Variants in SLC12A7 observed in about 807,000 individuals in gnomAD.
SLC12A7 encodes the protein solute carrier family 12 member 7.
In SLC12A7, 100 loss-of-function variants were observed where a neutral mutation model predicts 120.6. The ratio of observed to expected loss-of-function variants is 0.83; its 90% CI spans 0.71 to 0.98. SLC12A7 has a LOEUF of 0.98. Ranked by LOEUF, SLC12A7 falls within the 50% of genes least tolerant of loss-of-function variation. The pLI is 0.00. For synonymous variants in SLC12A7, 760 were observed against 678.0 expected (o/e 1.12, Z -1.88); for missense variants, 1,373 against 1,548.1 (o/e 0.89, Z 1.90).
chr5:1,064,387 C>CG lies in SLC12A7; in HGVS notation c.2438-136dup, dbSNP rs1185612609. ...CCCCACAAAGCCCCCACCCTCACTC[C>CG]GTCAGCTCCTCCAAGGACCAGCCAG... On this transcript the variant is annotated intron_variant, in intron 18 of 23. Transcript: ENST00000264930. The CG allele has an allele frequency of 2.3e-5, 22 of 971,502 alleles. No individual in the cohort carries two copies. In the Admixed American group the frequency reaches 6.2e-4, roughly 27 times the overall value. 60.2% of individuals were successfully genotyped at this position (971,502 alleles called of 1,614,324 possible). A position where few individuals can be genotyped will look rare whatever the true frequency, so the allele number is the denominator to read the frequency against.
chr5:1,099,839 G>A (rs572439779), intron 1 of SLC12A7, among the ~76,000 whole-genome samples: 3 of 152,172 alleles, frequency 2.0e-5, no homozygotes, highest in Admixed American at 6.5e-5. Flanking sequence ...CGATAGGAAC[G>A]GCCCCTTCAC....
At chr5:1,093,510 G>GGGGACTGGGCA (rs763028827) in intron 3 of SLC12A7, 23 bp downstream of exon 3, 57 of 1,582,822 alleles carry the variant, frequency 3.6e-5, no homozygotes, top group Admixed American at 1.6e-4. Context: ...GGGACTGGGC[G>GGGGACTGGGCA]GGCACGGGCA....
At chr5:1,102,987 C>T (rs1442585547) in intron 1 of SLC12A7, among the ~76,000 whole-genome samples, 1 of 152,202 alleles carries the variant, frequency 6.6e-6, no homozygotes, top group Admixed American at 6.5e-5. Flanking sequence ...GTGCCGGGCA[C>T]TGAAATAAAG....
chr5:1,073,816 G>A lies in SLC12A7; in HGVS notation c.2073-15C>T, dbSNP rs758518587. 1 of 1,398,504 alleles carries A rather than the reference G, an allele frequency of 7.2e-7. No homozygotes were observed. Among genetic ancestry groups the A allele is most frequent in the Non-Finnish European group, 9.4e-7 (1 of 1,067,792 alleles). The allele number at this position is 1,398,504 out of a possible 1,614,324, so 86.6% of individuals were successfully genotyped here. On this transcript the variant is annotated splice_polypyrimidine_tract_variant and intron_variant, in intron 16 of 23. Coordinates refer to ENST00000264930, the MANE Select transcript of SLC12A7 (RefSeq NM_006598.3). ...GCACCTGGGGCCTGCAGCCAGGGTG[G>A]GGCGGCTGTTACCACGGCAACGCTT... is the stretch of plus-strand genomic sequence containing the variant.
At chr5:1,130,848 G>A in the SLC12A7 span, among the ~76,000 whole-genome samples, 3 of 152,220 alleles carry the variant, frequency 2.0e-5, no homozygotes, top group Admixed American at 6.5e-5. Flanking sequence ...GTCTCCTTCC[G>A]GCCAAGGGGA....
the SLC12A7 span, among the ~76,000 whole-genome samples, chr5:1,134,922 T>A: frequency 6.6e-5 from 10 of 152,098 alleles, no homozygotes; most frequent in Middle Eastern, 3.4e-3. Flanking sequence ...TTACCAGGAG[T>A]TCGAGACCAG....
At chr5:1,087,184 G>T in intron 5 of SLC12A7, 151 bp from the exon 6 acceptor site, 1 of 1,084,630 alleles carries the variant, frequency 9.2e-7, no homozygotes, top group South Asian at 1.7e-5. Context: ...AGCACATGGA[G>T]ACGCTTCCAC....
At chr5:1,116,302 G>A (rs971371580), upstream of SLC12A7, among the ~76,000 whole-genome samples, 44 of 152,180 alleles carry the variant, frequency 2.9e-4, 1 homozygote, top group Admixed American at 7.8e-4. Flanking sequence ...TGCCCAGGGC[G>A]GGGCCTCTGG....
At chr5:1,136,767 G>A in the SLC12A7 span, among the ~76,000 whole-genome samples, 5 of 111,582 alleles carry the variant, frequency 4.5e-5, no homozygotes, top group African/African-American at 1.2e-4. Flanking sequence ...AGGCACACGT[G>A]TGCTCAGACA....
chr5:1,077,538 C>T (rs1183221237), intron 12 of SLC12A7, among the ~76,000 whole-genome samples: 1 of 152,162 alleles, frequency 6.6e-6, no homozygotes, highest in Non-Finnish European at 1.5e-5. Flanking sequence ...GGGCTTCTGA[C>T]CAGACAACAG....
At chr5:1,130,716 C>T in the SLC12A7 span, among the ~76,000 whole-genome samples, 963 of 152,334 alleles carry the variant, frequency 6.3e-3, 10 homozygotes, top group Non-Finnish European at 7.5e-3. Context: ...TTCCAGCAGA[C>T]ACACCTGGAC....
the SLC12A7 span, among the ~76,000 whole-genome samples, chr5:1,122,685 G>A: frequency 4.6e-5 from 7 of 152,140 alleles, no homozygotes; most frequent in Non-Finnish European, 1.0e-4. Context: ...CCCAGGAGAG[G>A]ATCAGACAGG....
Position 1,085,351 on chromosome 5 carries a change from G to T in SLC12A7, c.798C>A (p.Val266=), listed in dbSNP as rs1561078958. ...TGTTGACATACTTGACGCCCACGAA[G>T]ACCACCAGGGCCATGAGCACGAGCG... is the stretch of plus-strand genomic sequence containing the variant. ...TCTLVLMALV[V]FVGVKYVNKL... Residue 266 remains valine, a synonymous_variant, in exon 7 of 24, where the codon GTC becomes GTA. Transcript: ENST00000264930. 1 of 1,612,590 alleles carries T rather than the reference G, an allele frequency of 6.2e-7. No individual in the cohort carries two copies. The highest frequency in any genetic ancestry group is 8.5e-7 in the Non-Finnish European group (1 of 1,179,864).
chr5:1,092,071 C>T (rs988229169), intron 3 of SLC12A7, among the ~76,000 whole-genome samples: 7 of 152,258 alleles, frequency 4.6e-5, no homozygotes, highest in African/African-American at 1.7e-4. Context: ...GGCCCCACCC[C>T]AAGGTGGTCT....
chr5:1,063,190 C>G (rs1178641030), intron 20 of SLC12A7, among the ~76,000 whole-genome samples: 2 of 152,208 alleles, frequency 1.3e-5, no homozygotes, highest in African/African-American at 4.8e-5. Context: ...CTGTCCAGGC[C>G]CTGCCTATAG....
intron 7 of SLC12A7, among the ~76,000 whole-genome samples, chr5:1,084,653 GCCTC>G (rs1739614521): frequency 6.6e-6 from 1 of 152,150 alleles, no homozygotes; most frequent in South Asian, 2.1e-4. Context: ...CAGCTGTTCT[GCCTC>G]CCTCTGTTTT....
At chr5:1,131,638 T>C in the SLC12A7 span, among the ~76,000 whole-genome samples, 1 of 152,190 alleles carries the variant, frequency 6.6e-6, no homozygotes, top group Non-Finnish European at 1.5e-5. Context: ...GCTGCCTCCC[T>C]TGGGGCCCCC....
chr5:1,075,830 C>T (rs1738269722), intron 14 of SLC12A7: 2 of 509,366 alleles, frequency 3.9e-6, no homozygotes, highest in East Asian at 6.2e-5. Flanking sequence ...CCCTGATGGG[C>T]TACGCCCCAA....
At chr5:1,085,560 G>A in intron 6 of SLC12A7, 87 bp from the exon 7 acceptor site, 6 of 1,475,834 alleles carry the variant, frequency 4.1e-6, no homozygotes, top group Middle Eastern at 2.0e-4. Flanking sequence ...CGCCACACAG[G>A]GGCCTCCTCC....
Sources: allele counts gnomAD v4.1 joint callset (sites outside exome capture counted in the v4.1 genomes callset), GRCh38; gene constraint gnomAD v4.1.1; transcripts MANE v1.5; gene names NCBI Gene and HGNC (gene_info 2026-07-23, HGNC 2026-07-21).